LNX1: variants seen among roughly 807,000 people sequenced by gnomAD.
LNX1 encodes the protein ligand of numb-protein X 1.
LNX1 carries 54 observed loss-of-function variants against 68.4 expected under a neutral mutation model. The observed-to-expected ratio is 0.79, with a 90% CI of 0.63 to 0.99. The LOEUF is 0.99. Ranked by LOEUF, LNX1 falls within the 50% of genes least tolerant of loss-of-function variation. The probability of loss-of-function intolerance (pLI) is 0.00; values close to 1 mark genes in which losing one functional copy is unlikely to be tolerated. For missense variants in LNX1, 906 were observed against 926.4 expected, an observed-to-expected ratio of 0.98 and a Z score of 0.29; for synonymous variants, 336 against 350.0, an observed-to-expected ratio of 0.96 and a Z score of 0.45.
At chr4:53,464,626 A>T (rs1177986392) in intron 9 of LNX1, among the ~76,000 whole-genome samples, 1 of 152,104 alleles carries the variant, frequency 6.6e-6, no homozygotes, top group East Asian at 1.9e-4. Context: ...ACAAACAGGT[A>T]TAGCAATGTT....
In LNX1 at chr4:53,521,066, T is replaced by C. The variant is rs116509095; in HGVS notation, c.381-12839A>G. ...GGGAAACTGGGCTATGGATCAACGG[T>C]GCTTTCTATTTCAGGACTGACTAGG... On this transcript the variant is annotated intron_variant, in intron 2 of 10. Transcript: ENST00000263925. Among the ~76,000 whole-genome samples the C allele has an allele frequency of 1.2e-3, 189 of 152,316 alleles. 1 individual carries two copies. The highest frequency in any genetic ancestry group is 4.1e-3 in the African/African-American group (172 of 41,578).
chr4:53,565,188 G>A (rs1408820046), intron 2 of LNX1, among the ~76,000 whole-genome samples: 1 of 152,134 alleles, frequency 6.6e-6, no homozygotes, highest in African/African-American at 2.4e-5. Context: ...CTCCACCTCT[G>A]GGGGCAGGGC....
chr4:53,490,971 AG>A (rs771372029), intron 6 of LNX1, among the ~76,000 whole-genome samples: 3 of 152,160 alleles, frequency 2.0e-5, no homozygotes, highest in Non-Finnish European at 4.4e-5. Flanking sequence ...TTGTTTAGTA[AG>A]CAAAAGAATC....
chr4:53,476,853 G>A lies in LNX1; in HGVS notation c.1792C>T (p.Gln598Ter). 2.5e-6 allele frequency: 4 copies of A among 1,614,186 alleles called. No individual in the cohort carries two copies. Among genetic ancestry groups the A allele is most frequent in the Non-Finnish European group, 3.4e-6 (4 of 1,180,030 alleles). ...GCTGCTGGGCTGCTGCAGTCTTCCT[G>A]GGGCTCATACTCTTTGACTTCCAAA... ...KALEVKEYEP[Q>*]EDCSSPAALD... The change falls in exon 9 of 11, where the codon CAG (glutamine) becomes TAG (stop). Residue 598 changes from glutamine to a stop codon, truncating the protein, a stop_gained. Coordinates refer to ENST00000263925, the MANE Select transcript of LNX1 (RefSeq NM_001126328.3). LOFTEE classifies it high-confidence loss of function.
intron 4 of LNX1, among the ~76,000 whole-genome samples, chr4:53,504,467 G>GT (rs1252804412): frequency 6.6e-6 from 1 of 152,176 alleles, no homozygotes; most frequent in Admixed American, 6.5e-5. Context: ...TGGCTGTTTT[G>GT]TTTTTCTATC....
At chr4:53,650,547 G>C (rs189349186) in intron 1 of LNX1, among the ~76,000 whole-genome samples, 122 of 152,278 alleles carry the variant, frequency 8.0e-4, no homozygotes, top group African/African-American at 2.9e-3. Flanking sequence ...TTGGAAGTAT[G>C]AATTTATGGT....
At chr4:53,566,178 C>A (rs144099794) in intron 2 of LNX1, among the ~76,000 whole-genome samples, 21,402 of 151,474 alleles carry the variant, frequency 0.14, 1,604 homozygotes, top group East Asian at 0.31. Flanking sequence ...AGAAGAGCAA[C>A]TCCAAGACAC....
chr4:53,642,521 C>T (rs577796560), intron 1 of LNX1, among the ~76,000 whole-genome samples: 1 of 152,296 alleles, frequency 6.6e-6, no homozygotes, highest in African/African-American at 2.4e-5. Flanking sequence ...GCCCTTCCCA[C>T]ATACCCTGTA....
In LNX1 at chr4:53,460,332, A is replaced by G. The variant is rs1238890961; in HGVS notation, c.*575T>C. On this transcript the variant is annotated 3_prime_UTR_variant, in exon 11 of 11. Transcript: ENST00000263925. ...AGCGAGCATTTTTAGGGATAAGCCTAGGAGGTATTCATCGGTGATGGTAAC... is the reference window on the plus strand; with the variant it reads ...AGCGAGCATTTTTAGGGATAAGCCTGGGAGGTATTCATCGGTGATGGTAAC... The G allele has an allele frequency of 5.3e-6, 1 of 189,742 alleles. No individual in the cohort carries two copies. The highest frequency in any genetic ancestry group is 1.1e-5 in the Non-Finnish European group (1 of 90,634). 11.8% of individuals were successfully genotyped at this position (189,742 alleles called of 1,614,324 possible). A position where few individuals can be genotyped will look rare whatever the true frequency, so the allele number is the denominator to read the frequency against.
At position 53,569,243 on chromosome 4, in the gene LNX1, C is replaced by T. The variant is rs1006418994; in HGVS notation, c.380+4380G>A. Among the ~76,000 whole-genome samples the T allele has an allele frequency of 5.3e-5, 8 of 151,852 alleles. No homozygotes were observed. The East Asian group carries it at 1.5e-3, about 29-fold the overall frequency. Reference sequence around the variant, plus strand: ...CAAAGGAACAAAGCTGGAGGCATCACACTACCTGACTTCAAACTATACTAC... The same window carrying T: ...CAAAGGAACAAAGCTGGAGGCATCATACTACCTGACTTCAAACTATACTAC... On this transcript the variant is annotated intron_variant, in intron 2 of 10. Transcript: ENST00000263925.
rs537937835 is a variant in LNX1 at position 53,632,956 on chromosome 4, G to A, written c.-215+19212C>T. On this transcript the variant is annotated intron_variant, in intron 1 of 2. Transcript: ENST00000507168. ...CCTATGTACAAGAATCCTTTTGTAG[G>A]TTCTACTTCTAGACAACCTGTCCTA... Among the ~76,000 whole-genome samples, 14 of 152,264 alleles carry A rather than the reference G, an allele frequency of 9.2e-5. No individual in the cohort carries two copies. The East Asian group carries it at 2.7e-3, about 29-fold the overall frequency.
chr4:53,520,007 G>C (rs879919157), intron 2 of LNX1, among the ~76,000 whole-genome samples: 1 of 152,196 alleles, frequency 6.6e-6, no homozygotes, highest in Non-Finnish European at 1.5e-5. Context: ...AGTTGTGAAT[G>C]CTCATAACCA....
At chr4:53,507,946 C>A (rs1393144631) in intron 3 of LNX1, 40 bp downstream of exon 3, 1 of 1,596,260 alleles carries the variant, frequency 6.3e-7, no homozygotes, top group Non-Finnish European at 8.6e-7. Flanking sequence ...CAATCGCAAG[C>A]CAAGGAGCCC....
chr4:53,532,858 T>C (rs146921627), intron 2 of LNX1, among the ~76,000 whole-genome samples: 1 of 152,276 alleles, frequency 6.6e-6, no homozygotes, highest in Non-Finnish European at 1.5e-5. Context: ...CAAGGAACAC[T>C]GCAGGCTGCC....
chr4:53,622,183 G>C (rs1027007749), upstream of LNX1, among the ~76,000 whole-genome samples: 1 of 152,132 alleles, frequency 6.6e-6, no homozygotes, highest in Non-Finnish European at 1.5e-5. Flanking sequence ...GGAAACTGTT[G>C]AATGGAATCT....
At chr4:53,623,127 A>G (rs552013258) in intron 1 of LNX1, among the ~76,000 whole-genome samples, 1 of 151,966 alleles carries the variant, frequency 6.6e-6, no homozygotes, top group Admixed American at 6.6e-5. Flanking sequence ...ACTTGAATAC[A>G]TTGCACGGCT....
intron 1 of LNX1, 105 bp from the exon 2 acceptor site, chr4:53,574,193 G>C: frequency 1.1e-6 from 1 of 904,438 alleles, no homozygotes; most frequent in Non-Finnish European, 1.6e-6. Flanking sequence ...ATTGAGCTAC[G>C]ATTCAGAAAG....
At chr4:53,563,363 G>C (rs1207716407) in intron 2 of LNX1, among the ~76,000 whole-genome samples, 10 of 152,144 alleles carry the variant, frequency 6.6e-5, no homozygotes, top group African/African-American at 2.4e-4. Flanking sequence ...ACAGAGAAAA[G>C]TAAACACTTG....
At chr4:53,611,665 A>G (rs988693340) in intron 2 of LNX1, among the ~76,000 whole-genome samples, 1 of 152,158 alleles carries the variant, frequency 6.6e-6, no homozygotes, top group African/African-American at 2.4e-5. Flanking sequence ...CAAAACTGCA[A>G]TTACTTTTGC....
Sources: allele counts gnomAD v4.1 joint callset (sites outside exome capture counted in the v4.1 genomes callset), GRCh38; gene constraint gnomAD v4.1.1; transcripts MANE v1.5; gene names NCBI Gene and HGNC (gene_info 2026-07-23, HGNC 2026-07-21).